Variants in KLHDC10 observed in about 807,000 individuals in gnomAD.
KLHDC10 encodes kelch domain-containing protein 10.
A neutral mutation model predicts 56.1 loss-of-function variants in KLHDC10; 24 were observed. The ratio of observed to expected loss-of-function variants is 0.43; its 90% CI spans 0.31 to 0.60. The LOEUF (loss-of-function observed/expected upper bound fraction) is 0.60, where lower values mean the gene tolerates loss of function less well. KLHDC10 is among the 20% of genes least tolerant of loss of function. The probability of loss-of-function intolerance (pLI) is 0.11; values close to 1 mark genes in which losing one functional copy is unlikely to be tolerated. For missense variants in KLHDC10, 349 were observed against 567.0 expected, an observed-to-expected ratio of 0.62 and a Z score of 3.91; for synonymous variants, 188 against 207.1, an observed-to-expected ratio of 0.91 and a Z score of 0.79.
Position 130,122,191 on chromosome 7 carries a change from A to C in KLHDC10, c.768A>C (p.Leu256=), listed in dbSNP as rs373704200. The C allele has an allele frequency of 6.2e-7, 1 of 1,613,682 alleles. No homozygotes were observed. The highest frequency in any genetic ancestry group is 8.5e-7 in the Non-Finnish European group (1 of 1,179,828). Residue 256 remains leucine (L), a synonymous_variant, in exon 5 of 10, where the codon CTA becomes CTC. Transcript: ENST00000335420. ...QLKPNNLSCD[L]PEERYRHEIA... is the part of the protein sequence containing the mutation. ...AACCAAACAACCTATCCTGTGATCT[A>C]CCAGAAGAGAGGTGAGGTTCTAGGA...
chr7:130,127,256 G>T, intron 7 of KLHDC10, 148 bp from the exon 8 acceptor site: 1 of 654,840 alleles, frequency 1.5e-6, no homozygotes, highest in East Asian at 2.7e-5. Flanking sequence ...GAAATAAGGA[G>T]GGAGTGGAAG....
intron 2 of KLHDC10, among the ~76,000 whole-genome samples, chr7:130,104,673 G>A (rs1311132412): frequency 6.6e-6 from 1 of 152,148 alleles, no homozygotes; most frequent in African/African-American, 2.4e-5. Flanking sequence ...TTCTGGAGAG[G>A]CCTCAGAAAG....
At chr7:130,081,199 C>T (rs981675054) in intron 1 of KLHDC10, among the ~76,000 whole-genome samples, 7 of 152,012 alleles carry the variant, frequency 4.6e-5, no homozygotes, top group South Asian at 2.1e-4. Context: ...GGGGTTTCAC[C>T]GTGTTTAGCC....
intron 9 of KLHDC10, among the ~76,000 whole-genome samples, chr7:130,129,967 G>A (rs1457607022): frequency 1.3e-5 from 2 of 151,998 alleles, no homozygotes; most frequent in Non-Finnish European, 2.9e-5. Flanking sequence ...ACTTAATATA[G>A]GTTTAGTTTA....
At chr7:130,112,455 T>C (rs1189210151) in intron 2 of KLHDC10, among the ~76,000 whole-genome samples, 6 of 152,200 alleles carry the variant, frequency 3.9e-5, no homozygotes, top group African/African-American at 1.4e-4. Context: ...CCACTGGGAG[T>C]TCCTGAATCA....
intron 2 of KLHDC10, among the ~76,000 whole-genome samples, chr7:130,102,645 GT>G: frequency 6.6e-6 from 1 of 152,060 alleles, no homozygotes; most frequent in East Asian, 1.9e-4. Flanking sequence ...AAACAACATG[GT>G]GAAGCCCCAT....
rs771643236 is a variant in KLHDC10 at position 130,124,553 on chromosome 7, GA to G, written c.864+25del. On this transcript the variant is annotated intron_variant, in intron 6 of 9. Transcript: ENST00000335420. Reference sequence around the variant, plus strand: ...TAAACAAGGTATATTTTTTTAAAAAGAAAAAAAGGGAGAGGGAGAAGGATAG... The same window carrying G: ...TAAACAAGGTATATTTTTTTAAAAAGAAAAAAGGGAGAGGGAGAAGGATAG... The G allele has an allele frequency of 2.6e-5, 33 of 1,271,518 alleles. No individual in the cohort carries two copies. Among genetic ancestry groups the G allele is most frequent in the Middle Eastern group, 3.8e-4 (2 of 5,320 alleles). 78.8% of individuals were successfully genotyped at this position (1,271,518 alleles called of 1,614,324 possible).
At chr7:130,111,998 G>A (rs1309276743) in intron 2 of KLHDC10, among the ~76,000 whole-genome samples, 1 of 152,182 alleles carries the variant, frequency 6.6e-6, no homozygotes, top group African/African-American at 2.4e-5. Context: ...TTGGAAAGCA[G>A]TATGGCCCTA....
chr7:130,117,849 CAAAA>C (rs60800057), intron 3 of KLHDC10, among the ~76,000 whole-genome samples: 9,967 of 72,928 alleles, frequency 0.14, 465 homozygotes, highest in East Asian at 0.4. Flanking sequence ...GACCCTGTCT[CAAAA>C]AAAAAAAAAA....
Position 130,130,468 on chromosome 7 carries a change from T to TC in KLHDC10, c.1120-65dup. On this transcript the variant is annotated intron_variant, in intron 9 of 9. Coordinates refer to ENST00000335420, the MANE Select transcript of KLHDC10 (RefSeq NM_014997.4). This position sits in a 1 kb window ranked among gnomAD's most constrained non-coding sequence, Gnocchi z 4.2. Reference sequence around the variant, plus strand: ...TTTTGATTCCATCTACTATGCTTTTTCCCCACTGAGTCTTCAGCCTTGTAT... The same window carrying TC: ...TTTTGATTCCATCTACTATGCTTTTTCCCCCACTGAGTCTTCAGCCTTGTAT... The TC allele has an allele frequency of 8.1e-7, 1 of 1,239,598 alleles. No homozygotes were observed. Among genetic ancestry groups the TC allele is most frequent in the Non-Finnish European group, 1.2e-6 (1 of 842,992 alleles). 76.8% of individuals were successfully genotyped at this position (1,239,598 alleles called of 1,614,324 possible).
At chr7:130,072,197 CA>C (rs1159549104) in intron 1 of KLHDC10, among the ~76,000 whole-genome samples, 6 of 152,114 alleles carry the variant, frequency 3.9e-5, no homozygotes, top group Non-Finnish European at 7.4e-5. Context: ...AATCTCTTAG[CA>C]AACACTGTCA....
intron 1 of KLHDC10, among the ~76,000 whole-genome samples, chr7:130,089,621 C>A (rs1415271621): frequency 6.6e-6 from 1 of 152,168 alleles, no homozygotes; most frequent in East Asian, 1.9e-4. Flanking sequence ...TAAAAAGGTT[C>A]CTCTTCCAGG....
chr7:130,105,443 T>C (rs544222239), intron 2 of KLHDC10, among the ~76,000 whole-genome samples: 1 of 152,292 alleles, frequency 6.6e-6, no homozygotes, highest in African/African-American at 2.4e-5. Context: ...ACAGACCACT[T>C]CTTTTCCCCT....
intron 1 of KLHDC10, among the ~76,000 whole-genome samples, chr7:130,079,953 C>T (rs1319601571): frequency 7.1e-6 from 1 of 139,910 alleles, no homozygotes. Context: ...TCCCTTCCTC[C>T]CTTTCTTCCT....
intron 1 of KLHDC10, among the ~76,000 whole-genome samples, chr7:130,080,491 C>G (rs982024257): frequency 6.6e-6 from 1 of 151,894 alleles, no homozygotes; most frequent in Non-Finnish European, 1.5e-5. Context: ...CTCCTGGGCT[C>G]AAGGGATCCT....
chr7:130,104,037 A>G (rs1795975062), intron 2 of KLHDC10, among the ~76,000 whole-genome samples: 2 of 152,048 alleles, frequency 1.3e-5, no homozygotes. Context: ...GCAGTGAGCC[A>G]AGATCGTGCT....
At chr7:130,110,544 T>C (rs373983599) in intron 2 of KLHDC10, among the ~76,000 whole-genome samples, 10 of 152,290 alleles carry the variant, frequency 6.6e-5, no homozygotes, top group African/African-American at 2.4e-4. Flanking sequence ...AATGGATTGC[T>C]TTGGTCTGAG....
rs752496819 is a variant in KLHDC10, at chr7:130,120,886, A to G, written c.613A>G (p.Ser205Gly). The G allele has an allele frequency of 6.2e-7, 1 of 1,614,082 alleles. No individual in the cohort carries two copies. Among genetic ancestry groups the G allele is most frequent in the Admixed American group, 1.7e-5 (1 of 60,022 alleles). The change falls in exon 4 of 10, where the codon AGT (serine) becomes GGT (glycine). Residue 205 changes from serine to glycine, a missense_variant. Coordinates refer to ENST00000335420, the MANE Select transcript of KLHDC10 (RefSeq NM_014997.4). This position sits in a 1 kb window ranked among gnomAD's most constrained non-coding sequence, Gnocchi z 5.1. ...ALLSCRGKKP[S>G]RIYGQAMAII... ...GCTCAGCTGTCGGGGGAAGAAACCC[A>G]GTCGTATATATGGACAGGTACCAAT...
intron 1 of KLHDC10, 50 bp downstream of exon 1, chr7:130,070,859 C>T (rs1460299164): frequency 8.0e-7 from 1 of 1,256,498 alleles, no homozygotes; most frequent in African/African-American, 1.5e-5. Context: ...AAGGTGACTG[C>T]TACCTTTTCT....
Sources: allele counts gnomAD v4.1 joint callset (sites outside exome capture counted in the v4.1 genomes callset), GRCh38; gene constraint gnomAD v4.1.1; non-coding constraint Gnocchi (gnomAD v3.1); transcripts MANE v1.5; gene names NCBI Gene and HGNC (gene_info 2026-07-23, HGNC 2026-07-21).